The following TRIM2 variants were observed in gnomAD, a reference collection of about 807,000 sequenced individuals.
The protein encoded by TRIM2 is tripartite motif containing 2, also known as tripartite motif-containing protein 2.
A neutral mutation model predicts 75.2 loss-of-function variants in TRIM2; 20 were observed. The observed-to-expected ratio is 0.27, with a 90% CI of 0.19 to 0.39. The LOEUF (loss-of-function observed/expected upper bound fraction) is 0.39. Among genes scored for constraint, TRIM2 ranks in the 10% least tolerant of loss-of-function variants. The pLI, the probability that TRIM2 is intolerant of heterozygous loss-of-function variation, is 1.00. For synonymous variants in TRIM2, 373 were observed against 388.3 expected (o/e 0.96, Z 0.46); for missense variants, 660 against 990.8 (o/e 0.67, Z 4.48).
At chr4:153,205,300 T>C (rs562105986) in intron 1 of TRIM2, among the ~76,000 whole-genome samples, 9 of 152,042 alleles carry the variant, frequency 5.9e-5, no homozygotes, top group Non-Finnish European at 1.3e-4. Flanking sequence ...GGGGTGTGAA[T>C]GGGTGAGGGT....
At chr4:153,185,093 G>A (rs1292768148) in intron 1 of TRIM2, among the ~76,000 whole-genome samples, 1 of 152,252 alleles carries the variant, frequency 6.6e-6, no homozygotes, top group Non-Finnish European at 1.5e-5. Flanking sequence ...TCGTTCCACA[G>A]TGATTTGCCC....
intron 11 of TRIM2, among the ~76,000 whole-genome samples, chr4:153,334,062 A>C (rs1005473298): frequency 6.6e-6 from 1 of 151,772 alleles, no homozygotes; most frequent in African/African-American, 2.4e-5. Context: ...CTAGTTGCTG[A>C]TTTTTCCCCT....
At chr4:153,306,216 T>A (rs2150193620) in intron 6 of TRIM2, among the ~76,000 whole-genome samples, 1 of 152,304 alleles carries the variant, frequency 6.6e-6, no homozygotes, top group Admixed American at 6.5e-5. Context: ...ATTTAACCTC[T>A]CTGTGCCTTA....
intron 1 of TRIM2, among the ~76,000 whole-genome samples, chr4:153,159,296 C>CTTTTTTTTTTTTTTTTTTT (rs11318531): frequency 1.1e-5 from 1 of 89,160 alleles, no homozygotes. Context: ...TTTACAAAAT[C>CTTTTTTTTTTTTTTTTTTT]TTTTTTTTTT....
At chr4:153,274,653 A>G (rs191343672) in intron 2 of TRIM2, among the ~76,000 whole-genome samples, 1 of 152,326 alleles carries the variant, frequency 6.6e-6, no homozygotes, top group Admixed American at 6.5e-5. Context: ...GATGAATGGA[A>G]CCTTGATTAA....
At chr4:153,187,534 G>C (rs1341754452) in intron 1 of TRIM2, among the ~76,000 whole-genome samples, 1 of 152,220 alleles carries the variant, frequency 6.6e-6, no homozygotes, top group Non-Finnish European at 1.5e-5. Context: ...GTGCAGGAAT[G>C]GATAAGAGCA....
intron 1 of TRIM2, among the ~76,000 whole-genome samples, chr4:153,235,665 T>G (rs917370963): frequency 4.1e-4 from 62 of 152,300 alleles, no homozygotes; most frequent in African/African-American, 1.3e-3. Flanking sequence ...ATGGCTGTGA[T>G]TCTTTTTCAT....
chr4:153,189,239 T>A (rs972587437), intron 1 of TRIM2, among the ~76,000 whole-genome samples: 2 of 152,166 alleles, frequency 1.3e-5, no homozygotes, highest in Non-Finnish European at 2.9e-5. Flanking sequence ...GATTGAGAGA[T>A]GAGGGGAAAA....
intron 1 of TRIM2, among the ~76,000 whole-genome samples, chr4:153,190,443 C>T (rs771556318): frequency 9.9e-5 from 15 of 152,184 alleles, no homozygotes; most frequent in Non-Finnish European, 2.2e-4. Flanking sequence ...GTATTCTTCA[C>T]AGGACTTAGG....
At chr4:153,217,411 G>C (rs969708728) in intron 1 of TRIM2, among the ~76,000 whole-genome samples, 1 of 152,096 alleles carries the variant, frequency 6.6e-6, no homozygotes, top group Non-Finnish European at 1.5e-5. Flanking sequence ...TGAAGAAAAG[G>C]CCACCCCAGA....
chr4:153,337,912 C>G lies in TRIM2; in HGVS notation c.*2946C>G, dbSNP rs546637829. 13 of 985,834 alleles carry G rather than the reference C, an allele frequency of 1.3e-5. No individual in the cohort carries two copies. The African/African-American group carries it at 1.9e-4, about 15-fold the overall frequency. The allele number at this position is 985,834 out of a possible 1,614,324, so 61.1% of individuals were successfully genotyped here. On this transcript the variant is annotated 3_prime_UTR_variant, in exon 12 of 12. Coordinates refer to ENST00000338700, the MANE Select transcript of TRIM2 (RefSeq NM_015271.5). ...TCCCAGTACAGACCCCCCAGCCCCCCTTGCTGGACATGGGGAGGCAGAGAG... is the reference window on the plus strand; with the variant it reads ...TCCCAGTACAGACCCCCCAGCCCCCGTTGCTGGACATGGGGAGGCAGAGAG...
chr4:153,278,226 C>A (rs1758453135), intron 3 of TRIM2, among the ~76,000 whole-genome samples: 1 of 152,092 alleles, frequency 6.6e-6, no homozygotes, highest in South Asian at 2.1e-4. Context: ...CACCTCAGTC[C>A]TGTCCTCTGC....
intron 1 of TRIM2, among the ~76,000 whole-genome samples, chr4:153,245,504 A>C (rs1748902762): frequency 6.6e-6 from 1 of 152,274 alleles, no homozygotes; most frequent in Non-Finnish European, 1.5e-5. Context: ...CTGTTTTTGT[A>C]CAACCAGTGA....
At position 153,339,239 on chromosome 4, in the gene TRIM2, A is replaced by G; in HGVS notation, c.*4273A>G. On this transcript the variant is annotated 3_prime_UTR_variant, in exon 12 of 12. Coordinates refer to ENST00000338700, the MANE Select transcript of TRIM2 (RefSeq NM_015271.5). ...CTTTCAATTAATTCTGTCTTGAAAC[A>G]TAGGAGAAACAGGATTCATGTGTAT... 1 of 970,356 alleles carries G rather than the reference A, an allele frequency of 1.0e-6. No homozygotes were observed. Among genetic ancestry groups the G allele is most frequent in the African/African-American group, 1.8e-5 (1 of 56,960 alleles). 60.1% of individuals were successfully genotyped at this position (970,356 alleles called of 1,614,324 possible).
intron 1 of TRIM2, among the ~76,000 whole-genome samples, chr4:153,268,624 G>C (rs1280311762): frequency 6.6e-6 from 1 of 152,176 alleles, no homozygotes; most frequent in African/African-American, 2.4e-5. Context: ...CAAATATTTA[G>C]AAAATGAAGA....
At chr4:153,192,548 G>A (rs11945304) in intron 1 of TRIM2, among the ~76,000 whole-genome samples, 11,957 of 149,760 alleles carry the variant, frequency 0.08, 709 homozygotes, top group Admixed American at 0.15. Flanking sequence ...TCAAGTTTAC[G>A]GTGAGCCATG....
intron 1 of TRIM2, among the ~76,000 whole-genome samples, chr4:153,235,785 T>G (rs943230696): frequency 6.6e-6 from 1 of 152,180 alleles, no homozygotes; most frequent in East Asian, 1.9e-4. Flanking sequence ...CTGATCAGAT[T>G]ACCTTTTCCA....
chr4:153,159,134 T>TA (rs754617082), intron 1 of TRIM2, among the ~76,000 whole-genome samples: 6 of 152,164 alleles, frequency 3.9e-5, no homozygotes, highest in Non-Finnish European at 7.3e-5. Context: ...AGTATTTTTT[T>TA]CAGGACAAAG....
intron 8 of TRIM2, 25 bp downstream of exon 8, chr4:153,316,024 C>A: frequency 6.6e-7 from 1 of 1,521,220 alleles, no homozygotes; most frequent in South Asian, 1.3e-5. Context: ...TAATTGTTCA[C>A]TAAACAATGG....
Sources: gnomAD v4.1 joint callset for allele counts (sites outside exome capture counted in the v4.1 genomes callset) on GRCh38, gnomAD v4.1.1 for gene constraint, MANE v1.5 for transcripts, NCBI Gene and HGNC (gene_info 2026-07-23, HGNC 2026-07-21) for gene names.